Variants in COL4A4 observed in about 807,000 individuals in gnomAD.
COL4A4 encodes collagen alpha-4(IV) chain.
A neutral mutation model predicts 192.9 loss-of-function variants in COL4A4; 105 were observed. That is an observed-to-expected ratio of 0.54 (90% CI 0.46 to 0.64). The LOEUF is 0.64. Ranked by LOEUF, COL4A4 falls within the 30% of genes least tolerant of loss-of-function variation. The pLI, the probability that COL4A4 is intolerant of heterozygous loss-of-function variation, is 0.00. For missense variants in COL4A4, 1,967 were observed against 2,169.3 expected, an observed-to-expected ratio of 0.91 and a Z score of 1.85; for synonymous variants, 762 against 769.9, an observed-to-expected ratio of 0.99 and a Z score of 0.17.
At chr2:227,130,751 G>C (rs534224436) in intron 4 of COL4A4, among the ~76,000 whole-genome samples, 3 of 152,284 alleles carry the variant, frequency 2.0e-5, no homozygotes, top group Non-Finnish European at 2.9e-5. Flanking sequence ...GTCCAAACCT[G>C]GACTCATGAT....
At chr2:227,041,866 G>GA (rs1161666024) in intron 37 of COL4A4, among the ~76,000 whole-genome samples, 3 of 130,124 alleles carry the variant, frequency 2.3e-5, no homozygotes, top group African/African-American at 9.6e-5. Context: ...AAGAAAGAAA[G>GA]AAAGAAAGAA....
intron 4 of COL4A4, among the ~76,000 whole-genome samples, chr2:227,121,800 T>G (rs1169477920): frequency 6.6e-6 from 1 of 152,190 alleles, no homozygotes; most frequent in Non-Finnish European, 1.5e-5. Flanking sequence ...ATCAAGTGAT[T>G]ATAGTTATCT....
chr2:227,029,848 A>G (rs1477147189), intron 41 of COL4A4, among the ~76,000 whole-genome samples: 2 of 152,168 alleles, frequency 1.3e-5, no homozygotes, highest in Admixed American at 6.5e-5. Context: ...GAATATAAAA[A>G]AGCAAAGTCA....
intron 25 of COL4A4, among the ~76,000 whole-genome samples, chr2:227,067,630 C>T (rs1452434861): frequency 2.0e-5 from 3 of 151,938 alleles, no homozygotes; most frequent in Non-Finnish European, 2.9e-5. Flanking sequence ...GGGTACATAA[C>T]GAAATGAAGG....
intron 25 of COL4A4, among the ~76,000 whole-genome samples, chr2:227,073,503 C>G (rs2058836895): frequency 6.6e-6 from 1 of 151,920 alleles, no homozygotes; most frequent in Non-Finnish European, 1.5e-5. Flanking sequence ...GAATTCCCAT[C>G]AAAATATGCA....
chr2:227,131,194 C>T (rs2062441563), intron 4 of COL4A4, among the ~76,000 whole-genome samples: 2 of 148,428 alleles, frequency 1.3e-5, no homozygotes, highest in African/African-American at 5.0e-5. Flanking sequence ...CTCACTCTGT[C>T]GCCCAGGCTG....
At chr2:227,097,841 A>C (rs1255985428) in intron 19 of COL4A4, among the ~76,000 whole-genome samples, 1 of 152,156 alleles carries the variant, frequency 6.6e-6, no homozygotes, top group African/African-American at 2.4e-5. Flanking sequence ...TATCTCAGAA[A>C]ATTTCTCACT....
chr2:226,967,378 T>G, the COL4A4 span, among the ~76,000 whole-genome samples: 1 of 152,098 alleles, frequency 6.6e-6, no homozygotes, highest in Non-Finnish European at 1.5e-5. Context: ...AGAATTCTTT[T>G]TTTCTTTATT....
chr2:227,088,517 A>T, intron 22 of COL4A4, 136 bp downstream of exon 22: 1 of 1,176,046 alleles, frequency 8.5e-7, no homozygotes, highest in Non-Finnish European at 1.3e-6. Flanking sequence ...CTCCCCACCC[A>T]TACAGAACTG....
At chr2:227,127,668 G>T (rs181553142) in intron 4 of COL4A4, among the ~76,000 whole-genome samples, 50 of 152,284 alleles carry the variant, frequency 3.3e-4, no homozygotes, top group African/African-American at 1.2e-3. Flanking sequence ...TGATCTGGTT[G>T]CCCCAGGGAC....
rs1576992510 is a variant in COL4A4, at chr2:227,164,067, C to T, written c.-162G>A. 6.6e-6 allele frequency: 1 copy of T among 152,514 alleles called. No homozygotes were observed. The highest frequency in any genetic ancestry group is 2.4e-5 in the African/African-American group (1 of 41,584). The allele number at this position is 152,514 out of a possible 1,614,324, so 9.4% of individuals were successfully genotyped here. A position where few individuals can be genotyped will look rare whatever the true frequency, so the allele number is the denominator to read the frequency against. On this transcript the variant is annotated 5_prime_UTR_variant, in exon 1 of 48. Coordinates refer to ENST00000396625, the MANE Select transcript of COL4A4 (RefSeq NM_000092.5). The surrounding 1 kb of genome is among the most constrained non-coding windows in gnomAD (Gnocchi z 4.8). ...TTGCCACCCCACGGGACGCGCACCTCCAGCCCCAATCCACCCGCGCCCCGC... is the reference window on the plus strand; with the variant it reads ...TTGCCACCCCACGGGACGCGCACCTTCAGCCCCAATCCACCCGCGCCCCGC...
rs1969057228 is a variant in COL4A4 at position 227,034,221 on chromosome 2, G to T, written c.3506-740C>A. ...CCACCAGCCTGGCTTGACTGAAGTT[G>T]TCACTAAACACTTCCAGTGGAAAAT... On this transcript the variant is annotated intron_variant, in intron 37 of 47. Coordinates refer to ENST00000396625, the MANE Select transcript of COL4A4 (RefSeq NM_000092.5). 3.3e-5 allele frequency among the ~76,000 whole-genome samples: 5 copies of T among 152,306 alleles called. No homozygotes were observed. In the South Asian group the frequency reaches 1.0e-3, roughly 32 times the overall value.
intron 20 of COL4A4, among the ~76,000 whole-genome samples, chr2:227,091,255 G>T (rs900408614): frequency 7.1e-6 from 1 of 140,978 alleles, no homozygotes; most frequent in Non-Finnish European, 1.5e-5. Context: ...AACAGATATA[G>T]ATATAGATAT....
chr2:227,098,755 T>C lies in COL4A4; in HGVS notation c.1143A>G (p.Thr381=), dbSNP rs1226600856. The C allele has an allele frequency of 5.0e-6, 8 of 1,614,112 alleles. No homozygotes were observed. In the South Asian group the frequency reaches 5.5e-5, roughly 11 times the overall value. ...GGGGACCAGGTGGTCCAACATCCCC[T>C]GTTTCTCCATAGCGGCCAGGGAACC... is the stretch of plus-strand genomic sequence containing the variant. ...DPGFPGRYGE[T]GDVGPPGPPG... Residue 381 remains threonine (T), a synonymous_variant, in exon 19 of 48, where the codon ACA becomes ACG. Coordinates refer to ENST00000396625, the MANE Select transcript of COL4A4 (RefSeq NM_000092.5).
At chr2:227,026,030 T>C (rs1966847846) in intron 42 of COL4A4, among the ~76,000 whole-genome samples, 1 of 152,088 alleles carries the variant, frequency 6.6e-6, no homozygotes, top group African/African-American at 2.4e-5. Context: ...TAACGGAGTT[T>C]TCATCTCTAG....
intron 25 of COL4A4, among the ~76,000 whole-genome samples, chr2:227,072,038 A>T (rs2058751395): frequency 6.6e-6 from 1 of 152,094 alleles, no homozygotes; most frequent in Admixed American, 6.6e-5. Flanking sequence ...AAGAAATAAC[A>T]AAGATCAGAC....
At chr2:226,972,784 C>T in the COL4A4 span, among the ~76,000 whole-genome samples, 1 of 152,080 alleles carries the variant, frequency 6.6e-6, no homozygotes, top group Non-Finnish European at 1.5e-5. Context: ...TTTAAGGGTG[C>T]CTTTCATGAA....
chr2:226,987,948 A>C, the COL4A4 span, among the ~76,000 whole-genome samples: 1 of 152,124 alleles, frequency 6.6e-6, no homozygotes, highest in African/African-American at 2.4e-5. Context: ...ACTGCAGCAA[A>C]CTGGGCAATG....
intron 5 of COL4A4, 79 bp downstream of exon 5, chr2:227,120,935 T>G: frequency 6.4e-6 from 10 of 1,570,324 alleles, no homozygotes; most frequent in Non-Finnish European, 7.9e-6. Flanking sequence ...TAAGACTGTC[T>G]AAAAAAAACA....
Sources: gnomAD v4.1 joint callset for allele counts (sites outside exome capture counted in the v4.1 genomes callset) on GRCh38, gnomAD v4.1.1 for gene constraint, Gnocchi (gnomAD v3.1) non-coding constraint, MANE v1.5 for transcripts, NCBI Gene and HGNC (gene_info 2026-07-23, HGNC 2026-07-21) for gene names.